The following TUBB8 variants were observed in gnomAD, a reference collection of about 807,000 sequenced individuals.
The protein encoded by TUBB8 is tubulin beta-8 chain.
TUBB8 carries 25 observed loss-of-function variants against 33.7 expected under a neutral mutation model. The observed-to-expected ratio is 0.74, with a 90% CI of 0.54 to 1.04. The LOEUF is 1.04. Among genes scored for constraint, TUBB8 ranks in the 50% least tolerant of loss-of-function variants. The probability of loss-of-function intolerance (pLI) is 0.00; values close to 1 mark genes in which losing one functional copy is unlikely to be tolerated. For missense variants in TUBB8, 279 were observed against 608.0 expected (o/e 0.46, Z 5.69); for synonymous variants, 245 against 240.1 (o/e 1.02, Z -0.19).
At chr10:72,321 G>T (rs1834748181) in intron 1 of TUBB8, among the ~76,000 whole-genome samples, 1 of 151,876 alleles carries the variant, frequency 6.6e-6, no homozygotes. Flanking sequence ...CACTATGGGA[G>T]GCCGAGGTGG....
In TUBB8 at chr10:69,594, G is replaced by T. The variant is rs1281896529; in HGVS notation, c.-846+4375C>A. Among the ~76,000 whole-genome samples the T allele has an allele frequency of 2.0e-5, 3 of 151,796 alleles. No homozygotes were observed. In the South Asian group the frequency reaches 6.2e-4, roughly 32 times the overall value. ...GAAAAACGAAATCTCAGTGTTGAACGAAAGGCAAATGGCGTAACTAATTAC... is the reference window on the plus strand; with the variant it reads ...GAAAAACGAAATCTCAGTGTTGAACTAAAGGCAAATGGCGTAACTAATTAC... On this transcript the variant is annotated intron_variant, in intron 1 of 3. Coordinates refer to the TUBB8 transcript ENST00000564130.
chr10:73,126 TAAACAGACTTTCTCAAC>T (rs1554742583), intron 1 of TUBB8, among the ~76,000 whole-genome samples: 2 of 152,240 alleles, frequency 1.3e-5, no homozygotes, highest in African/African-American at 4.8e-5. Flanking sequence ...CACTGCAAAT[TAAACAGACTTTCTCAAC>T]AAAAGAAAAA....
At chr10:66,860 C>T (rs548061858) in intron 1 of TUBB8, among the ~76,000 whole-genome samples, 1 of 151,850 alleles carries the variant, frequency 6.6e-6, no homozygotes, top group African/African-American at 2.4e-5. Flanking sequence ...GTAGCCCCAG[C>T]TACTTGGGAG....
chr10:66,504 C>T (rs553471567), intron 1 of TUBB8, among the ~76,000 whole-genome samples: 59 of 152,266 alleles, frequency 3.9e-4, no homozygotes, highest in African/African-American at 1.4e-3. Flanking sequence ...TAAAAATTAG[C>T]TAGGTGTGAC....
At chr10:66,466 C>T (rs185476247) in intron 1 of TUBB8, among the ~76,000 whole-genome samples, 2 of 152,266 alleles carry the variant, frequency 1.3e-5, no homozygotes, top group African/African-American at 4.8e-5. Flanking sequence ...CCGGCCAACA[C>T]AGGAAAACAC....
chr10:63,267 G>T (rs1335146070), intron 1 of TUBB8, among the ~76,000 whole-genome samples: 3 of 152,082 alleles, frequency 2.0e-5, no homozygotes, highest in African/African-American at 7.2e-5. Flanking sequence ...TAGTAGAGAT[G>T]GGGTTTCACC....
Position 48,734 on chromosome 10 carries a change from G to A in TUBB8, c.167-9C>T, listed in dbSNP as rs1564205097. ...GGGCACGTACCTGCCACCTGCGTGG[G>A]GCGGGAGGGCATGAGCGAGGGGAGG... On this transcript the variant is annotated splice_polypyrimidine_tract_variant and intron_variant, in intron 2 of 3. Transcript: ENST00000568584. 1.2e-6 allele frequency: 2 copies of A among 1,609,176 alleles called. No individual in the cohort carries two copies. The highest frequency in any genetic ancestry group is 1.3e-5 in the African/African-American group (1 of 74,940).
rs782029140 is a variant in TUBB8, at chr10:47,434, G to A, written c.958C>T (p.Arg320Cys). ...YLTAAAIFRG[R>C]MPMREVDEQM... ...TCATCCACCTCCCTCATGGGCATGCGACCCCTGAAAATGGCAGCCGCCGTT... is the reference window on the plus strand; with the variant it reads ...TCATCCACCTCCCTCATGGGCATGCAACCCCTGAAAATGGCAGCCGCCGTT... The change falls in exon 4 of 4, where the codon CGC (arginine) becomes TGC (cysteine). Residue 320 changes from arginine to cysteine, a missense_variant. Physicochemically the swap from Arg to Cys is radical, Grantham distance 180. Around this residue, in one of 4 missense-constraint regions of TUBB8, gnomAD observed 123 missense variants for 228.9 expected, o/e 0.54. Coordinates refer to ENST00000568584, the MANE Select transcript of TUBB8 (RefSeq NM_177987.3). 8 of 1,611,982 alleles carry A rather than the reference G, an allele frequency of 5.0e-6. No homozygotes were observed. Among genetic ancestry groups the A allele is most frequent in the South Asian group, 2.2e-5 (2 of 90,988 alleles).
chr10:48,453 G>A (rs1396193823), intron 3 of TUBB8, 162 bp downstream of exon 3: 2 of 726,516 alleles, frequency 2.8e-6, no homozygotes, highest in Admixed American at 2.1e-5. Flanking sequence ...CCTTCCTCCC[G>A]AAGCCCATTT....
At chr10:73,214 ATTTGTTTTTG>A (rs1834760695) in intron 1 of TUBB8, among the ~76,000 whole-genome samples, 1 of 152,222 alleles carries the variant, frequency 6.6e-6, no homozygotes, top group East Asian at 1.9e-4. Context: ...TTTTGTTTTC[ATTTGTTTTTG>A]TTTTTTGAGA....
upstream of TUBB8, among the ~76,000 whole-genome samples, chr10:74,705 G>T (rs1212952529): frequency 6.6e-6 from 1 of 151,138 alleles, no homozygotes; most frequent in African/African-American, 2.4e-5. Flanking sequence ...TAAGGGGAAG[G>T]AGAAGGGGAA....
Position 47,522 on chromosome 10 carries a change from G to C in TUBB8, c.870C>G (p.Thr290=), listed in dbSNP as rs376362332. 1 of 1,612,156 alleles carries C rather than the reference G, an allele frequency of 6.2e-7. No individual in the cohort carries two copies. Among genetic ancestry groups the C allele is most frequent in the Admixed American group, 1.7e-5 (1 of 60,036 alleles). The change falls in exon 4 of 4, where the codon ACC becomes ACG. Residue 290 remains threonine (T), a synonymous_variant. Transcript: ENST00000568584. The part of the protein sequence containing the change: ...QYRALTVAEL[T]QQMFDAKNMM... ...TGTTCTTAGCATCAAACATCTGCTG[G>C]GTAAGCTCAGCCACAGTCAAGGCCC...
chr10:60,850 GA>G (rs1344226955), intron 1 of TUBB8, among the ~76,000 whole-genome samples: 2 of 151,886 alleles, frequency 1.3e-5, no homozygotes, highest in Non-Finnish European at 2.9e-5. Flanking sequence ...TGATAGACTG[GA>G]TTAAGAAAAT....
intron 1 of TUBB8, among the ~76,000 whole-genome samples, chr10:70,390 G>A (rs539371037): frequency 9.2e-5 from 14 of 151,840 alleles, no homozygotes; most frequent in East Asian, 1.9e-4. Context: ...CCATTAACTC[G>A]TCATTGAGCA....
At chr10:48,242 A>C in intron 3 of TUBB8, 128 bp from the exon 4 acceptor site, 2 of 1,043,362 alleles carry the variant, frequency 1.9e-6, no homozygotes, top group Non-Finnish European at 2.9e-6. Context: ...GGTGGAGCAG[A>C]TGAAACCCCC....
rs1834510118 is a variant in TUBB8 at position 54,898 on chromosome 10, C to T, written c.-845-4665G>A. Among the ~76,000 whole-genome samples the T allele has an allele frequency of 3.9e-5, 6 of 152,136 alleles. No homozygotes were observed. In the South Asian group the frequency reaches 1.0e-3, roughly 26 times the overall value. ...TCAGCCTCTTGAGTAGCTGGGATTA[C>T]AGGCACCTGACATGATGCCCAGCTA... On this transcript the variant is annotated intron_variant, in intron 1 of 3. Transcript: ENST00000564130.
At chr10:46,670 A>C (rs1428060244), downstream of TUBB8, among the ~76,000 whole-genome samples, 10 of 151,856 alleles carry the variant, frequency 6.6e-5, no homozygotes, top group African/African-American at 2.4e-4. Flanking sequence ...CTTCAGCAAC[A>C]GGTTTTCCAC....
At chr10:55,031 C>T (rs560888574) in intron 1 of TUBB8, among the ~76,000 whole-genome samples, 2 of 152,184 alleles carry the variant, frequency 1.3e-5, no homozygotes, top group Non-Finnish European at 2.9e-5. Context: ...GCTGGGATTA[C>T]AAGCATAAGC....
chr10:63,826 C>G (rs1446933482), intron 1 of TUBB8, among the ~76,000 whole-genome samples: 2 of 152,082 alleles, frequency 1.3e-5, no homozygotes, highest in African/African-American at 4.8e-5. Flanking sequence ...GTCATGTTTT[C>G]CTGGATGGCC....
Sources: gnomAD v4.1 joint callset for allele counts (sites outside exome capture counted in the v4.1 genomes callset) on GRCh38, gnomAD v4.1.1 for gene constraint, gnomAD v4.1.1 regional missense constraint, MANE v1.5 for transcripts, NCBI Gene and HGNC (gene_info 2026-07-23, HGNC 2026-07-21) for gene names.